The following RBM22 variants were observed in gnomAD, a reference collection of about 807,000 sequenced individuals.
The protein encoded by RBM22 is RNA binding motif protein 22.
Under a neutral mutation model 50.1 loss-of-function variants are expected in RBM22, and 1 was observed. That is an observed-to-expected ratio of 0.02 (90% confidence interval 0.01 to 0.09). The LOEUF (loss-of-function observed/expected upper bound fraction) is 0.09, where lower values mean the gene tolerates loss of function less well. Ranked by LOEUF, RBM22 falls within the 10% of genes least tolerant of loss-of-function variation. The probability of loss-of-function intolerance (pLI) is 1.00; values close to 1 mark genes in which losing one functional copy is unlikely to be tolerated. For synonymous variants in RBM22, 152 were observed against 179.0 expected (o/e 0.85, Z 1.20); for missense variants, 264 against 529.3 (o/e 0.50, Z 4.92).
intron 4 of RBM22, among the ~76,000 whole-genome samples, chr5:150,698,197 G>T (rs1028448986): frequency 6.6e-6 from 1 of 152,222 alleles, no homozygotes; most frequent in Non-Finnish European, 1.5e-5. Context: ...TCTGGATCAA[G>T]AAAGAAGCCT....
At chr5:150,695,284 G>A (rs1759261098) in intron 7 of RBM22, 1 of 527,886 alleles carries the variant, frequency 1.9e-6, no homozygotes, top group Non-Finnish European at 3.4e-6. Context: ...CCAAAGTGTT[G>A]AGATTACAGG....
intron 1 of RBM22, 116 bp from the exon 2 acceptor site, chr5:150,700,613 A>ACC (rs1337957652): frequency 6.4e-7 from 1 of 1,560,278 alleles, no homozygotes; most frequent in African/African-American, 1.4e-5. Flanking sequence ...CACGGCAGGA[A>ACC]CCCGAAGTCC....
chr5:150,700,920 A>G lies in RBM22; in HGVS notation c.54+12T>C. The G allele has an allele frequency of 1.2e-6, 2 of 1,614,150 alleles. No individual in the cohort carries two copies. The highest frequency in any genetic ancestry group is 1.6e-4 in the Middle Eastern group (1 of 6,062). ...CCTCCTCCTTCCATCCTCCTCCGGC[A>G]GGCACACTCACCGCATCCTCCCAGT... On this transcript the variant is annotated intron_variant, in intron 1 of 10. Transcript: ENST00000199814.
rs1051460541 is a variant in RBM22 at position 150,698,379 on chromosome 5, C to G, written c.271+120G>C. 1.4e-5 allele frequency: 18 copies of G among 1,302,312 alleles called. No individual in the cohort carries two copies. In the African/African-American group the frequency reaches 2.7e-4, roughly 19 times the overall value. The allele number at this position is 1,302,312 out of a possible 1,614,324, so 80.7% of individuals were successfully genotyped here. On this transcript the variant is annotated intron_variant, in intron 4 of 10. Coordinates refer to ENST00000199814, the MANE Select transcript of RBM22 (RefSeq NM_018047.3). ...TTCTTTTCCTGGGAAAAGCAGACCA[C>G]GGCAGACATTCCAAAGTGAAATCAG...
In RBM22 at chr5:150,696,465, T is replaced by C; in HGVS notation, c.545+68A>G. The C allele has an allele frequency of 1.3e-6, 2 of 1,497,132 alleles. No homozygotes were observed. The highest frequency in any genetic ancestry group is 1.8e-6 in the Non-Finnish European group (2 of 1,094,676). The allele number at this position is 1,497,132 out of a possible 1,614,324, so 92.7% of individuals were successfully genotyped here. A position where few individuals can be genotyped will look rare whatever the true frequency, so the allele number is the denominator to read the frequency against. On this transcript the variant is annotated intron_variant, in intron 6 of 10. Coordinates refer to ENST00000199814, the MANE Select transcript of RBM22 (RefSeq NM_018047.3). This position sits in a 1 kb window ranked among gnomAD's most constrained non-coding sequence, Gnocchi z 4.3. ...ATTTTAAAGCAGAAACAGTTTAAGT[T>C]AGGACCTCCCACTTCTTAGATGAGA...
At chr5:150,698,707 C>T in intron 3 of RBM22, 76 bp from the exon 4 acceptor site, 1 of 1,530,166 alleles carries the variant, frequency 6.5e-7, no homozygotes, top group Non-Finnish European at 8.8e-7. Context: ...AACAACGGGG[C>T]ATTCAAAAAA....
intron 4 of RBM22, among the ~76,000 whole-genome samples, chr5:150,698,151 C>T (rs1004195364): frequency 6.6e-6 from 1 of 152,098 alleles, no homozygotes; most frequent in African/African-American, 2.4e-5. Context: ...AGCACAATTA[C>T]CCTGTGAGCT....
chr5:150,700,602 G>T, intron 1 of RBM22, 105 bp from the exon 2 acceptor site: 1 of 1,573,808 alleles, frequency 6.4e-7, no homozygotes, highest in South Asian at 1.1e-5. Flanking sequence ...GGGGAACTAG[G>T]CACGGCAGGA....
chr5:150,700,127 G>C lies in RBM22; in HGVS notation c.108+317C>G, dbSNP rs1192602040. ...TATCATGCTGACATTCCTAGAGCCA[G>C]AATATGTGAACTTAAATCCCAGCTC... On this transcript the variant is annotated intron_variant, in intron 2 of 10. Coordinates refer to ENST00000199814, the MANE Select transcript of RBM22 (RefSeq NM_018047.3). Among the ~76,000 whole-genome samples the C allele has an allele frequency of 1.3e-5, 2 of 152,200 alleles. 1 individual carries two copies. Among genetic ancestry groups the C allele is most frequent in the South Asian group, 4.1e-4 (2 of 4,828 alleles).
Position 150,695,722 on chromosome 5 carries a change from AAAAC to A in RBM22, c.546-20_546-17del, listed in dbSNP as rs747815625. 6.3e-7 allele frequency: 1 copy of A among 1,584,836 alleles called. No individual in the cohort carries two copies. Among genetic ancestry groups the A allele is most frequent in the Non-Finnish European group, 8.6e-7 (1 of 1,159,036 alleles). Reference sequence around the variant, plus strand: ...CTTCTCATGTCTATGATTCAAGAAAAAAACAAGGCATAAAGGTGAAACGAAGGTG... The same window carrying A: ...CTTCTCATGTCTATGATTCAAGAAAAAAGGCATAAAGGTGAAACGAAGGTG... On this transcript the variant is annotated splice_polypyrimidine_tract_variant and intron_variant, in intron 6 of 10. Transcript: ENST00000199814.
chr5:150,700,626 C>T (rs773583408), intron 1 of RBM22, 129 bp from the exon 2 acceptor site: 2 of 1,546,136 alleles, frequency 1.3e-6, no homozygotes, highest in Admixed American at 3.9e-5. Flanking sequence ...CGAAGTCCAT[C>T]ACGACCCGAT....
chr5:150,701,057 G>C lies in RBM22; in HGVS notation c.-72C>G. ...GACCGCCACAATCCCGTCAAGCCCCGAGGCTAGCGCCGCGCCGGTCGGCGT... is the reference window on the plus strand; with the variant it reads ...GACCGCCACAATCCCGTCAAGCCCCCAGGCTAGCGCCGCGCCGGTCGGCGT... On this transcript the variant is annotated 5_prime_UTR_variant, in exon 1 of 11. Transcript: ENST00000199814. 6.2e-7 allele frequency: 1 copy of C among 1,600,292 alleles called. No individual in the cohort carries two copies. The highest frequency in any genetic ancestry group is 8.6e-7 in the Non-Finnish European group (1 of 1,167,974).
intron 6 of RBM22, 42 bp from the exon 7 acceptor site, chr5:150,695,748 G>A: frequency 6.7e-7 from 1 of 1,498,854 alleles, no homozygotes; most frequent in Non-Finnish European, 9.2e-7. Flanking sequence ...GTGAAACGAA[G>A]GTGAAAAAAT....
chr5:150,700,582 A>G (rs777917080), intron 1 of RBM22, 85 bp from the exon 2 acceptor site: 2 of 1,598,272 alleles, frequency 1.3e-6, no homozygotes, highest in Non-Finnish European at 1.7e-6. Flanking sequence ...AGGGGGCGGG[A>G]AGCGAGGGTG....
rs933838156 is a variant in RBM22 at position 150,698,773 on chromosome 5, T to A, written c.139-142A>T. The A allele has an allele frequency of 5.3e-6, 6 of 1,135,930 alleles. No homozygotes were observed. The East Asian group carries it at 1.5e-4, about 29-fold the overall frequency. The allele number at this position is 1,135,930 out of a possible 1,614,324, so 70.4% of individuals were successfully genotyped here. A position where few individuals can be genotyped will look rare whatever the true frequency, so the allele number is the denominator to read the frequency against. On this transcript the variant is annotated intron_variant, in intron 3 of 10. Transcript: ENST00000199814. ...CTTAGCAATCATCTAGTTGATTTGA[T>A]GTTTCAATACAATTTTCAGCATCCT...
intron 2 of RBM22, among the ~76,000 whole-genome samples, chr5:150,700,096 T>C (rs2151458048): frequency 6.6e-6 from 1 of 152,368 alleles, no homozygotes; most frequent in South Asian, 2.1e-4. Context: ...GTTCTGGTTC[T>C]CCTCCTATCA....
intron 7 of RBM22, 23 bp downstream of exon 7, chr5:150,695,483 C>G: frequency 6.4e-7 from 1 of 1,572,166 alleles, no homozygotes; most frequent in Non-Finnish European, 8.7e-7. Flanking sequence ...GCAAAAATAA[C>G]TCTCTAACTT....
In RBM22 at chr5:150,693,202, A is replaced by G; in HGVS notation, c.1000+17T>C. ...GGCAGAAAGAGCTTCTGAAGTCAGCAGGGAGTCTGCACTCACCTCCTGGCA... is the reference window on the plus strand; with the variant it reads ...GGCAGAAAGAGCTTCTGAAGTCAGCGGGGAGTCTGCACTCACCTCCTGGCA... On this transcript the variant is annotated intron_variant, in intron 9 of 10. Transcript: ENST00000199814. The G allele has an allele frequency of 6.2e-7, 1 of 1,604,694 alleles. No homozygotes were observed. Among genetic ancestry groups the G allele is most frequent in the Non-Finnish European group, 8.5e-7 (1 of 1,172,454 alleles).
chr5:150,694,452 G>A (rs1285466546), intron 7 of RBM22: 1 of 708,976 alleles, frequency 1.4e-6, no homozygotes, highest in Non-Finnish European at 2.1e-6. Flanking sequence ...GTAAATAAAG[G>A]TTCTCAAACA....
Sources: gnomAD v4.1 joint callset for allele counts (sites outside exome capture counted in the v4.1 genomes callset) on GRCh38, gnomAD v4.1.1 for gene constraint, Gnocchi (gnomAD v3.1) non-coding constraint, MANE v1.5 for transcripts, NCBI Gene and HGNC (gene_info 2026-07-23, HGNC 2026-07-21) for gene names.